CEACAM18: variants seen among roughly 807,000 people sequenced by gnomAD.
CEACAM18 encodes the protein CEA cell adhesion molecule 18.
A neutral mutation model predicts 34.3 loss-of-function variants in CEACAM18; 33 were observed. The ratio of observed to expected loss-of-function variants is 0.96; its 90% CI spans 0.73 to 1.29. CEACAM18 has a LOEUF of 1.29. Ranked by LOEUF, CEACAM18 falls within the 50% of genes most tolerant of loss-of-function variation. The pLI is 0.00. For missense variants in CEACAM18, 474 were observed against 485.0 expected (o/e 0.98, Z 0.21); for synonymous variants, 169 against 180.9 (o/e 0.93, Z 0.53).
At position 51,481,704 on chromosome 19, in the gene CEACAM18, G is replaced by A. The variant is rs761765062; in HGVS notation, c.673+39G>A. On this transcript the variant is annotated intron_variant, in intron 3 of 5. Coordinates refer to ENST00000396477, the Ensembl canonical transcript of CEACAM18. Reference sequence around the variant, plus strand: ...GCTCCTGGGACTGAAGCCAGGGCTGGTCTCAGGGCTTTCTAGGGATAGGAA... The same window carrying A: ...GCTCCTGGGACTGAAGCCAGGGCTGATCTCAGGGCTTTCTAGGGATAGGAA... The A allele has an allele frequency of 5.1e-6, 8 of 1,582,984 alleles. No homozygotes were observed. The East Asian group carries it at 1.8e-4, about 36-fold the overall frequency.
intron 1 of CEACAM18, 46 bp downstream of exon 1, chr19:51,478,740 G>A (rs773345026): frequency 1.5e-6 from 2 of 1,309,842 alleles, no homozygotes; most frequent in East Asian, 2.8e-5. Context: ...ACTGAGGGAA[G>A]GGCAGCTAGG....
chr19:51,486,818 T>C (rs1362006126), intron 5 of CEACAM18, among the ~76,000 whole-genome samples: 2 of 151,038 alleles, frequency 1.3e-5, no homozygotes, highest in East Asian at 2.0e-4. Context: ...CCCAGGTTCA[T>C]GCCATTCTCC....
intron 3 of CEACAM18, among the ~76,000 whole-genome samples, 172 bp from the exon 4 acceptor site, chr19:51,482,845 A>T (rs1989939665): frequency 6.6e-6 from 1 of 152,184 alleles, no homozygotes; most frequent in Non-Finnish European, 1.5e-5. Flanking sequence ...TTCCTTAATC[A>T]TAGAAGATGC....
intron 5 of CEACAM18, among the ~76,000 whole-genome samples, chr19:51,487,208 C>T (rs1990018989): frequency 6.6e-6 from 1 of 152,120 alleles, no homozygotes; most frequent in Non-Finnish European, 1.5e-5. Flanking sequence ...GGCATGGTAG[C>T]TCATGCCTGT....
chr19:51,483,377 G>T, intron 4 of CEACAM18, 81 bp downstream of exon 4: 1 of 1,520,748 alleles, frequency 6.6e-7, no homozygotes, highest in Admixed American at 1.7e-5. Flanking sequence ...ACCCTCAGGA[G>T]TGCCACCTCC....
chr19:51,479,856 G>T (rs1989878038), intron 1 of CEACAM18, among the ~76,000 whole-genome samples: 1 of 152,162 alleles, frequency 6.6e-6, no homozygotes, highest in African/African-American at 2.4e-5. Flanking sequence ...AATAACTACA[G>T]GAATAAATGA....
At chr19:51,480,278 C>A in intron 1 of CEACAM18, 55 bp from the exon 2 acceptor site, 1 of 1,368,222 alleles carries the variant, frequency 7.3e-7, no homozygotes, top group Non-Finnish European at 1.0e-6. Context: ...GTCTTCTCAG[C>A]CAGTCTGAAT....
At chr19:51,478,765 G>A (rs1568522457) in intron 1 of CEACAM18, 71 bp downstream of exon 1, 3 of 1,187,214 alleles carry the variant, frequency 2.5e-6, no homozygotes, top group African/African-American at 1.6e-5. Flanking sequence ...AAGCGGCGGG[G>A]AGGGGGCTGG....
At chr19:51,480,727 T>A in intron 2 of CEACAM18, 47 bp downstream of exon 2, 1 of 1,513,686 alleles carries the variant, frequency 6.6e-7, no homozygotes, top group Non-Finnish European at 9.0e-7. Context: ...GAGAGCTAGA[T>A]GTGACACATT....
At chr19:51,482,926 A>G in intron 3 of CEACAM18, 91 bp from the exon 4 acceptor site, 5 of 1,511,496 alleles carry the variant, frequency 3.3e-6, no homozygotes, top group Admixed American at 3.5e-5. Flanking sequence ...GAGGTGCACA[A>G]TGGGGAACCT....
intron 5 of CEACAM18, among the ~76,000 whole-genome samples, chr19:51,490,308 A>G (rs10412866): frequency 0.021 from 3,218 of 152,232 alleles, 98 homozygotes; most frequent in African/African-American, 0.064. Flanking sequence ...AATTAGGCCA[A>G]CAGTGCCCAC....
intron 3 of CEACAM18, 127 bp from the exon 4 acceptor site, chr19:51,482,890 C>T: frequency 2.9e-6 from 3 of 1,033,706 alleles, no homozygotes; most frequent in Admixed American, 2.2e-5. Flanking sequence ...AGCTGCCTTG[C>T]CTGGGGCAGG....
chr19:51,489,046 C>T (rs148398401), intron 5 of CEACAM18, among the ~76,000 whole-genome samples: 15 of 151,388 alleles, frequency 9.9e-5, no homozygotes, highest in South Asian at 2.1e-4. Context: ...TGCTTCCACT[C>T]GAATTTCTTC....
intron 5 of CEACAM18, among the ~76,000 whole-genome samples, chr19:51,488,698 AACC>A (rs1483016262): frequency 6.6e-6 from 1 of 152,122 alleles, no homozygotes; most frequent in Admixed American, 6.5e-5. Context: ...CTGGACCTGG[AACC>A]ACATTCTTCA....
intron 5 of CEACAM18, among the ~76,000 whole-genome samples, chr19:51,488,686 T>G (rs576312118): frequency 1.5e-4 from 23 of 152,272 alleles, no homozygotes; most frequent in South Asian, 8.3e-4. Context: ...GGCAGGCCCC[T>G]CCTGGACCTG....
chr19:51,482,922 C>T, intron 3 of CEACAM18, 95 bp from the exon 4 acceptor site: 1 of 1,479,688 alleles, frequency 6.8e-7, no homozygotes, highest in Non-Finnish European at 9.3e-7. Context: ...GCCCGAGGTG[C>T]ACAATGGGGA....
chr19:51,478,816 CAGGGG>C, intron 1 of CEACAM18, 122 bp downstream of exon 1: 4 of 669,704 alleles, frequency 6.0e-6, no homozygotes, highest in East Asian at 3.4e-5. Context: ...ACTCCCAGAG[CAGGGG>C]TCGGGGAGAG....
chr19:51,483,792 C>T (rs570262567), intron 4 of CEACAM18, among the ~76,000 whole-genome samples: 16 of 152,316 alleles, frequency 1.1e-4, no homozygotes, highest in East Asian at 5.8e-4. Context: ...GACGCAGGGA[C>T]GGGATGGGTG....
At chr19:51,478,853 C>T (rs866216768) in intron 1 of CEACAM18, among the ~76,000 whole-genome samples, 159 bp downstream of exon 1, 7 of 152,098 alleles carry the variant, frequency 4.6e-5, no homozygotes, top group East Asian at 1.9e-4. Context: ...GGACCCTCAG[C>T]ACAACTTTCA....
Sources: allele counts gnomAD v4.1 joint callset (sites outside exome capture counted in the v4.1 genomes callset), GRCh38; gene constraint gnomAD v4.1.1; transcripts MANE v1.5; gene names NCBI Gene and HGNC (gene_info 2026-07-23, HGNC 2026-07-21).